The following METTL25 variants were observed in gnomAD, a reference collection of about 807,000 sequenced individuals.
METTL25 encodes methyltransferase like 25, also known as probable methyltransferase-like protein 25.
In METTL25, 64 loss-of-function variants were observed where a neutral mutation model predicts 71.6. The ratio of observed to expected loss-of-function variants is 0.89; its 90% confidence interval spans 0.73 to 1.10. The LOEUF (loss-of-function observed/expected upper bound fraction) is 1.10. METTL25 is among the 50% of genes least tolerant of loss of function. The probability of loss-of-function intolerance (pLI) is 0.00; values close to 1 mark genes in which losing one functional copy is unlikely to be tolerated. For missense variants in METTL25, 807 were observed against 707.0 expected (o/e 1.14, Z -1.60); for synonymous variants, 287 against 250.3 (o/e 1.15, Z -1.38).
At chr12:82,444,786 A>C (rs1216474456) in intron 8 of METTL25, among the ~76,000 whole-genome samples, 4 of 152,118 alleles carry the variant, frequency 2.6e-5, no homozygotes, top group Non-Finnish European at 5.9e-5. Context: ...AATGGATCAA[A>C]AAAACAAGAC....
chr12:82,384,969 T>C (rs997808330), intron 1 of METTL25, among the ~76,000 whole-genome samples: 1 of 152,146 alleles, frequency 6.6e-6, no homozygotes, highest in Non-Finnish European at 1.5e-5. Context: ...TTGACTGAGT[T>C]TTCCAGTTTG....
intron 1 of METTL25, among the ~76,000 whole-genome samples, chr12:82,370,517 T>A (rs1244441178): frequency 6.6e-6 from 1 of 152,160 alleles, no homozygotes; most frequent in Non-Finnish European, 1.5e-5. Flanking sequence ...ACTTTTCCCC[T>A]AAGAAAGTGC....
At chr12:82,453,125 G>A (rs1452556088) in intron 8 of METTL25, among the ~76,000 whole-genome samples, 1 of 152,150 alleles carries the variant, frequency 6.6e-6, no homozygotes, top group Non-Finnish European at 1.5e-5. Context: ...AATAAGTCTA[G>A]CAATAAATGA....
intron 5 of METTL25, among the ~76,000 whole-genome samples, chr12:82,425,015 G>C (rs1225753306): frequency 1.3e-5 from 2 of 152,008 alleles, no homozygotes. Context: ...CCAGTTTGTG[G>C]TTATTTTGTT....
At chr12:82,472,415 G>A (rs1028171790) in intron 9 of METTL25, among the ~76,000 whole-genome samples, 7 of 152,118 alleles carry the variant, frequency 4.6e-5, no homozygotes, top group Admixed American at 1.3e-4. Context: ...TGGCTAACAC[G>A]GTGAAACCCC....
intron 5 of METTL25, among the ~76,000 whole-genome samples, chr12:82,404,372 A>C (rs1006463296): frequency 2.6e-4 from 40 of 152,144 alleles, no homozygotes; most frequent in Non-Finnish European, 7.4e-5. Flanking sequence ...TAGAAAAAAA[A>C]AGTATTTCTA....
In METTL25 at chr12:82,423,116, G is replaced by A. The variant is rs553641682; in HGVS notation, c.1280-7777G>A. Among the ~76,000 whole-genome samples the A allele has an allele frequency of 9.9e-5, 15 of 152,206 alleles. No homozygotes were observed. The East Asian group carries it at 2.9e-3, about 29-fold the overall frequency. On this transcript the variant is annotated intron_variant, in intron 5 of 11. Coordinates refer to ENST00000248306, the MANE Select transcript of METTL25 (RefSeq NM_032230.3). The stretch of plus-strand genomic sequence containing the variant: ...CTAAGCCAAAAGAACAAAGCTGGAG[G>A]CATCACGCTACCTGACTTCAAACTA...
At chr12:82,439,949 C>T (rs1037861071) in intron 8 of METTL25, 9 of 339,340 alleles carry the variant, frequency 2.7e-5, no homozygotes, top group Non-Finnish European at 2.5e-5. Flanking sequence ...TACTTTCCAA[C>T]GCTCCACATG....
chr12:82,472,133 C>A (rs1892605947), intron 9 of METTL25, among the ~76,000 whole-genome samples: 1 of 152,078 alleles, frequency 6.6e-6, no homozygotes, highest in Non-Finnish European at 1.5e-5. Context: ...TATATTTAAA[C>A]CTAAGAAGTT....
intron 4 of METTL25, among the ~76,000 whole-genome samples, chr12:82,400,813 G>GCTACTT (rs1362008561): frequency 2.0e-5 from 3 of 151,962 alleles, no homozygotes; most frequent in Admixed American, 1.3e-4. Flanking sequence ...TTTACTAGTA[G>GCTACTT]GATAATATGG....
intron 1 of METTL25, chr12:82,369,650 A>G (rs1251478709): frequency 1.1e-5 from 3 of 272,038 alleles, no homozygotes; most frequent in Non-Finnish European, 2.2e-5. Context: ...CAAAGCTTCC[A>G]CAGTGTGGAA....
At chr12:82,456,887 A>G in intron 9 of METTL25, 67 bp downstream of exon 9, 1 of 725,842 alleles carries the variant, frequency 1.4e-6, no homozygotes, top group Admixed American at 3.5e-5. Flanking sequence ...ATGAATTGAG[A>G]GAATACAAAA....
intron 4 of METTL25, 64 bp downstream of exon 4, chr12:82,399,458 GCTTA>G: frequency 7.2e-6 from 9 of 1,251,546 alleles, no homozygotes; most frequent in Non-Finnish European, 1.0e-5. Context: ...TTTAATAGTA[GCTTA>G]CTTAACATAC....
chr12:82,467,402 T>A (rs1463607318), intron 9 of METTL25, among the ~76,000 whole-genome samples: 5 of 152,112 alleles, frequency 3.3e-5, no homozygotes, highest in Admixed American at 3.3e-4. Context: ...TAATGGTGAT[T>A]GTTATTTTTT....
intron 11 of METTL25, among the ~76,000 whole-genome samples, chr12:82,478,191 C>T (rs2137324710): frequency 6.6e-6 from 1 of 151,844 alleles, no homozygotes; most frequent in African/African-American, 2.4e-5. Flanking sequence ...GTGATAAAAT[C>T]AGTACCTATT....
At chr12:82,467,432 C>T (rs1308661967) in intron 9 of METTL25, among the ~76,000 whole-genome samples, 2 of 152,090 alleles carry the variant, frequency 1.3e-5, no homozygotes, top group African/African-American at 2.4e-5. Flanking sequence ...ATGTAAGACT[C>T]ATTTGAGTAC....
rs1056946511 is a variant in METTL25, at chr12:82,409,908, A to G, written c.1279+6778A>G. Among the ~76,000 whole-genome samples, 6 of 152,184 alleles carry G rather than the reference A, an allele frequency of 3.9e-5. No homozygotes were observed. The South Asian group carries it at 1.2e-3, about 32-fold the overall frequency. ...GCTGCCATTTCTGTGTCAAACAGAA[A>G]TTTGTCAAGGGTGCATGATACCTAT... is the stretch of plus-strand genomic sequence containing the variant. On this transcript the variant is annotated intron_variant, in intron 5 of 11. Transcript: ENST00000248306.
intron 1 of METTL25, among the ~76,000 whole-genome samples, chr12:82,373,132 G>C (rs570061025): frequency 4.4e-4 from 67 of 152,232 alleles, no homozygotes; most frequent in Non-Finnish European, 2.9e-4. Flanking sequence ...AGAGTCCTAA[G>C]CGTTCTCCTG....
intron 1 of METTL25, among the ~76,000 whole-genome samples, chr12:82,363,629 T>C (rs1882213474): frequency 6.6e-6 from 1 of 151,874 alleles, no homozygotes; most frequent in Non-Finnish European, 1.5e-5. Context: ...CTTCCCACTA[T>C]TAATAGAACA....
Sources: allele counts gnomAD v4.1 joint callset (sites outside exome capture counted in the v4.1 genomes callset), GRCh38; gene constraint gnomAD v4.1.1; transcripts MANE v1.5; gene names NCBI Gene and HGNC (gene_info 2026-07-23, HGNC 2026-07-21).